Variants in ACTR3C observed in about 807,000 individuals in gnomAD.
The protein encoded by ACTR3C is actin-related protein 3C.
ACTR3C carries 18 observed loss-of-function variants against 26.3 expected under a neutral mutation model. That is an observed-to-expected ratio of 0.68 (90% confidence interval 0.47 to 1.01). The LOEUF (loss-of-function observed/expected upper bound fraction) is 1.01, where lower values mean the gene tolerates loss of function less well. Ranked by LOEUF, ACTR3C falls within the 50% of genes least tolerant of loss-of-function variation. ACTR3C has a pLI of 0.00. For synonymous variants in ACTR3C, 55 were observed against 94.5 expected (o/e 0.58, Z 2.42); for missense variants, 184 against 250.7 (o/e 0.73, Z 1.80).
the ACTR3C span, among the ~76,000 whole-genome samples, chr7:150,082,976 C>T: frequency 8.0e-6 from 1 of 125,602 alleles, no homozygotes; most frequent in Non-Finnish European, 1.6e-5. Flanking sequence ...GACAAGGGCT[C>T]ACTCTGTCAT....
the ACTR3C span, among the ~76,000 whole-genome samples, chr7:149,983,449 G>GTGTATATA: frequency 2.6e-4 from 6 of 23,330 alleles, no homozygotes; most frequent in African/African-American, 7.2e-4. Context: ...GTGTGTGTGT[G>GTGTATATA]TATATATATA....
At chr7:150,153,330 A>C in the ACTR3C span, among the ~76,000 whole-genome samples, 1 of 150,870 alleles carries the variant, frequency 6.6e-6, no homozygotes, top group Admixed American at 6.6e-5. Context: ...TCATCTGACA[A>C]AGGGCTAATA....
chr7:150,057,581 CA>C, the ACTR3C span, among the ~76,000 whole-genome samples: 1 of 152,094 alleles, frequency 6.6e-6, no homozygotes, highest in East Asian at 1.9e-4. Context: ...CCACCGTGCC[CA>C]GCCAGTACTC....
the ACTR3C span, among the ~76,000 whole-genome samples, chr7:149,917,764 T>G: frequency 1.3e-5 from 2 of 151,408 alleles, no homozygotes; most frequent in African/African-American, 4.9e-5. Context: ...ACTTCCTGAG[T>G]GGCCGAGACT....
the ACTR3C span, among the ~76,000 whole-genome samples, chr7:150,028,601 G>C: frequency 1.3e-5 from 2 of 152,306 alleles, no homozygotes; most frequent in African/African-American, 4.8e-5. Flanking sequence ...GGGCTTAGCG[G>C]CATCTCTGCT....
the ACTR3C span, among the ~76,000 whole-genome samples, chr7:150,206,820 G>A: frequency 6.6e-6 from 1 of 152,220 alleles, no homozygotes; most frequent in Admixed American, 6.5e-5. Flanking sequence ...AATAGGTTAA[G>A]TAAGAAATGT....
the ACTR3C span, among the ~76,000 whole-genome samples, chr7:150,128,431 C>T: frequency 6.6e-6 from 1 of 152,086 alleles, no homozygotes; most frequent in African/African-American, 2.4e-5. Flanking sequence ...ACGTTAGTTT[C>T]CCAAGCATAG....
the ACTR3C span, among the ~76,000 whole-genome samples, chr7:150,078,135 C>T: frequency 6.6e-6 from 1 of 152,198 alleles, no homozygotes; most frequent in Admixed American, 6.5e-5. Context: ...TTTCTTCTAC[C>T]TTTATCACTA....
At chr7:150,286,600 A>T in intron 4 of ACTR3C, 60 bp from the exon 5 acceptor site, 3 of 1,585,572 alleles carry the variant, frequency 1.9e-6, no homozygotes, top group Non-Finnish European at 2.6e-6. Context: ...CTCTGCCCTC[A>T]GACAAATAAC....
chr7:150,312,540 C>T (rs1424631920), intron 1 of ACTR3C, among the ~76,000 whole-genome samples: 1 of 152,170 alleles, frequency 6.6e-6, no homozygotes, highest in African/African-American at 2.4e-5. Flanking sequence ...GCTAATATGC[C>T]TGATTACTGT....
At chr7:150,139,542 G>A in the ACTR3C span, among the ~76,000 whole-genome samples, 1 of 152,280 alleles carries the variant, frequency 6.6e-6, no homozygotes, top group Non-Finnish European at 1.5e-5. Flanking sequence ...TCTTAACAGT[G>A]GCTGGGCATC....
At chr7:150,116,152 A>G in the ACTR3C span, among the ~76,000 whole-genome samples, 1 of 152,264 alleles carries the variant, frequency 6.6e-6, no homozygotes, top group Admixed American at 6.5e-5. Flanking sequence ...TTCAAATGGT[A>G]TCAGTACACT....
At chr7:150,313,291 A>C (rs1436928123) in intron 1 of ACTR3C, among the ~76,000 whole-genome samples, 3 of 152,214 alleles carry the variant, frequency 2.0e-5, no homozygotes, top group Admixed American at 6.5e-5. Flanking sequence ...GTGACAGTTC[A>C]GAAAGGTGGG....
At chr7:149,989,230 A>AT in the ACTR3C span, among the ~76,000 whole-genome samples, 2 of 152,268 alleles carry the variant, frequency 1.3e-5, no homozygotes, top group Admixed American at 1.3e-4. Context: ...ATACATATAC[A>AT]CATATGGAAT....
At chr7:150,095,277 G>A in the ACTR3C span, among the ~76,000 whole-genome samples, 1 of 149,720 alleles carries the variant, frequency 6.7e-6, no homozygotes, top group Non-Finnish European at 1.5e-5. Flanking sequence ...CCAAGCGTTC[G>A]ACCTTTCTCT....
At chr7:150,076,089 C>T in the ACTR3C span, among the ~76,000 whole-genome samples, 9 of 152,114 alleles carry the variant, frequency 5.9e-5, no homozygotes, top group East Asian at 1.4e-3. Context: ...TCCAATTCAA[C>T]GTGCTCCCTG....
the ACTR3C span, among the ~76,000 whole-genome samples, chr7:150,103,534 C>T: frequency 2.6e-5 from 4 of 151,914 alleles, no homozygotes; most frequent in South Asian, 8.3e-4. Context: ...CCATGATTTC[C>T]ACTATAGGAC....
chr7:150,037,885 G>T, the ACTR3C span, among the ~76,000 whole-genome samples: 8 of 128,906 alleles, frequency 6.2e-5, no homozygotes, highest in East Asian at 2.2e-4. Context: ...AGAGCAAAGG[G>T]GGGAAGAGGG....
the ACTR3C span, among the ~76,000 whole-genome samples, chr7:149,936,894 A>T: frequency 6.6e-6 from 1 of 151,412 alleles, no homozygotes; most frequent in African/African-American, 2.4e-5. Context: ...GGATCAAGGG[A>T]TCCTCCACCT....
Sources: gnomAD v4.1 joint callset for allele counts (sites outside exome capture counted in the v4.1 genomes callset) on GRCh38, gnomAD v4.1.1 for gene constraint, MANE v1.5 for transcripts, NCBI Gene and HGNC (gene_info 2026-07-23, HGNC 2026-07-21) for gene names.